Variants in MTSS1 observed in about 807,000 individuals in gnomAD.
MTSS1 encodes MTSS I-BAR domain containing 1.
Under a neutral mutation model 79.0 loss-of-function variants are expected in MTSS1, and 18 were observed. The observed-to-expected ratio is 0.23, with a 90% confidence interval of 0.16 to 0.34. The LOEUF is 0.34. Ranked by LOEUF, MTSS1 falls within the 10% of genes least tolerant of loss-of-function variation. The probability of loss-of-function intolerance (pLI) is 1.00; values close to 1 mark genes in which losing one functional copy is unlikely to be tolerated. For missense variants in MTSS1, 815 were observed against 986.2 expected (o/e 0.83, Z 2.33); for synonymous variants, 341 against 368.6 (o/e 0.93, Z 0.86).
intron 3 of MTSS1, among the ~76,000 whole-genome samples, chr8:124,682,171 C>A (rs1002343661): frequency 1.3e-5 from 2 of 152,206 alleles, no homozygotes; most frequent in Admixed American, 6.5e-5. Flanking sequence ...AGCCCTCACG[C>A]CAGAATAATT....
chr8:124,615,953 C>T (rs941483569), intron 3 of MTSS1, among the ~76,000 whole-genome samples: 3 of 152,164 alleles, frequency 2.0e-5, no homozygotes, highest in African/African-American at 4.8e-5. Context: ...TTATGGCAGC[C>T]GGGCCCCATG....
chr8:124,581,083 T>C (rs1489473790), intron 6 of MTSS1, among the ~76,000 whole-genome samples: 1 of 152,232 alleles, frequency 6.6e-6, no homozygotes, highest in Non-Finnish European at 1.5e-5. Flanking sequence ...CAGCCTCTAG[T>C]GGAAAGTGAG....
At chr8:124,618,166 G>C (rs1812775882) in intron 3 of MTSS1, among the ~76,000 whole-genome samples, 1 of 152,090 alleles carries the variant, frequency 6.6e-6, no homozygotes. Flanking sequence ...TTTCAAATGA[G>C]GTCATGTGCC....
At chr8:124,665,891 G>T (rs1822981439) in intron 3 of MTSS1, among the ~76,000 whole-genome samples, 1 of 149,218 alleles carries the variant, frequency 6.7e-6, no homozygotes, top group Admixed American at 6.6e-5. Context: ...AAAAAATCTG[G>T]CCCCCAGAGA....
At chr8:124,664,181 G>C (rs535144741) in intron 3 of MTSS1, among the ~76,000 whole-genome samples, 1 of 152,302 alleles carries the variant, frequency 6.6e-6, no homozygotes, top group Non-Finnish European at 1.5e-5. Flanking sequence ...TGCCACCCAT[G>C]GTTCTGCTGG....
intron 3 of MTSS1, among the ~76,000 whole-genome samples, chr8:124,622,418 T>C (rs1813744715): frequency 6.8e-6 from 1 of 146,076 alleles, no homozygotes; most frequent in South Asian, 2.2e-4. Context: ...GGACTCCTAG[T>C]CAACAACATT....
intron 3 of MTSS1, among the ~76,000 whole-genome samples, chr8:124,663,155 GT>G (rs1563955656): frequency 1.3e-5 from 2 of 152,134 alleles, no homozygotes. Flanking sequence ...ACCTGCACAC[GT>G]GTCTCTAGGA....
chr8:124,616,371 TAAAAAAAAAAAAAA>T lies in MTSS1; in HGVS notation c.209-25150_209-25137del, dbSNP rs68110053. Among the ~76,000 whole-genome samples the T allele has an allele frequency of 4.8e-4, 57 of 119,622 alleles. 2 individuals are homozygous for T. The South Asian group carries it at 0.017, about 36-fold the overall frequency. 78.5% of individuals were successfully genotyped at this position (119,622 alleles called of 152,430 possible). ...TGTTAAGTGTGCCTGTTTCAGGCAG[TAAAAAAAAAAAAAA>T]AAAAAAAAAATCAGCTTTATTACTT... is the stretch of plus-strand genomic sequence containing the variant. On this transcript the variant is annotated intron_variant, in intron 3 of 13. Coordinates refer to ENST00000518547, the MANE Select transcript of MTSS1 (RefSeq NM_014751.6).
chr8:124,620,633 A>C (rs1451513505), intron 3 of MTSS1, among the ~76,000 whole-genome samples: 1 of 152,170 alleles, frequency 6.6e-6, no homozygotes, highest in African/African-American at 2.4e-5. Flanking sequence ...GGCTGGAGTC[A>C]CCTAAAAAGC....
chr8:124,575,702 C>T (rs1828841434), intron 6 of MTSS1, among the ~76,000 whole-genome samples: 2 of 152,156 alleles, frequency 1.3e-5, no homozygotes. Flanking sequence ...CATCAAGATT[C>T]TTCACTGGTC....
At chr8:124,625,656 C>A (rs1035360663) in intron 3 of MTSS1, among the ~76,000 whole-genome samples, 1 of 152,208 alleles carries the variant, frequency 6.6e-6, no homozygotes, top group African/African-American at 2.4e-5. Flanking sequence ...AGGCACTCCC[C>A]CTGACCCCAC....
At chr8:124,648,175 G>C (rs892678607) in intron 3 of MTSS1, among the ~76,000 whole-genome samples, 3 of 152,178 alleles carry the variant, frequency 2.0e-5, no homozygotes, top group African/African-American at 7.2e-5. Flanking sequence ...TGGGGCAAAA[G>C]AATACCAAGG....
At chr8:124,694,809 A>G (rs1462623651) in intron 3 of MTSS1, among the ~76,000 whole-genome samples, 2 of 152,204 alleles carry the variant, frequency 1.3e-5, no homozygotes, top group African/African-American at 4.8e-5. Context: ...TCGGGTTCCA[A>G]GTCTACCAGA....
At chr8:124,620,778 G>A (rs537548279) in intron 3 of MTSS1, among the ~76,000 whole-genome samples, 1 of 152,276 alleles carries the variant, frequency 6.6e-6, no homozygotes, top group South Asian at 2.1e-4. Context: ...AAAAAACCAT[G>A]AGGATTTTAA....
At chr8:124,634,721 A>G (rs74492737) in intron 3 of MTSS1, among the ~76,000 whole-genome samples, 2,417 of 151,902 alleles carry the variant, frequency 0.016, 44 homozygotes, top group African/African-American at 0.037. Flanking sequence ...AAAAAATGCT[A>G]GCAAATGCAC....
At chr8:124,692,766 G>A (rs73345837) in intron 3 of MTSS1, among the ~76,000 whole-genome samples, 3,112 of 152,234 alleles carry the variant, frequency 0.02, 97 homozygotes, top group African/African-American at 0.07. Flanking sequence ...CCCCTTGCTC[G>A]AGAACTGACG....
At chr8:124,643,631 G>A (rs2134034161) in intron 3 of MTSS1, among the ~76,000 whole-genome samples, 1 of 143,130 alleles carries the variant, frequency 7.0e-6, no homozygotes, top group South Asian at 2.3e-4. Flanking sequence ...TGGGGAGGCA[G>A]AGGCTGTGGT....
intron 1 of MTSS1, 103 bp from the exon 2 acceptor site, chr8:124,704,294 T>A (rs147188470): frequency 8.9e-6 from 9 of 1,011,288 alleles, no homozygotes; most frequent in South Asian, 1.3e-5. Flanking sequence ...AATCTGTGTA[T>A]GTTCTCTTCC....
intron 3 of MTSS1, among the ~76,000 whole-genome samples, chr8:124,694,308 A>G (rs987297195): frequency 6.6e-6 from 1 of 151,978 alleles, no homozygotes; most frequent in South Asian, 2.1e-4. Flanking sequence ...TTTGAAGAGC[A>G]GTGTTGTGTG....
Sources: gnomAD v4.1 joint callset for allele counts (sites outside exome capture counted in the v4.1 genomes callset) on GRCh38, gnomAD v4.1.1 for gene constraint, MANE v1.5 for transcripts, NCBI Gene and HGNC (gene_info 2026-07-23, HGNC 2026-07-21) for gene names.